TSPAN15: variants seen among roughly 807,000 people sequenced by gnomAD.
TSPAN15 encodes the protein tetraspanin-15.
Under a neutral mutation model 34.5 loss-of-function variants are expected in TSPAN15, and 20 were observed. That is an observed-to-expected ratio of 0.58 (90% CI 0.41 to 0.84). TSPAN15 has a LOEUF of 0.84. Among genes scored for constraint, TSPAN15 ranks in the 40% least tolerant of loss-of-function variants. TSPAN15 has a pLI of 0.00. For synonymous variants in TSPAN15, 155 were observed against 153.9 expected (o/e 1.01, Z -0.05); for missense variants, 313 against 386.1 (o/e 0.81, Z 1.59).
chr10:69,467,471 A>T (rs1426232341), intron 1 of TSPAN15, among the ~76,000 whole-genome samples: 2 of 152,160 alleles, frequency 1.3e-5, no homozygotes, highest in African/African-American at 4.8e-5. Flanking sequence ...TCCTTTAGCC[A>T]GGTGTGGTGG....
intron 1 of TSPAN15, among the ~76,000 whole-genome samples, chr10:69,455,469 T>G (rs61848384): frequency 0.11 from 16,851 of 150,990 alleles, 971 homozygotes; most frequent in African/African-American, 0.12. Context: ...CCACATTTAT[T>G]TAATAGTCCC....
chr10:69,520,074 T>A, the TSPAN15 span, among the ~76,000 whole-genome samples: 16 of 152,200 alleles, frequency 1.1e-4, no homozygotes, highest in Non-Finnish European at 1.5e-4. Context: ...TGCCATTAAA[T>A]ATATTCACCA....
intron 1 of TSPAN15, among the ~76,000 whole-genome samples, chr10:69,481,046 G>C (rs943865720): frequency 1.3e-5 from 2 of 152,190 alleles, no homozygotes; most frequent in Admixed American, 6.5e-5. Flanking sequence ...CGAGGACCTG[G>C]GGCACTTAGG....
chr10:69,515,591 A>G, the TSPAN15 span, among the ~76,000 whole-genome samples: 1 of 152,350 alleles, frequency 6.6e-6, no homozygotes, highest in South Asian at 2.1e-4. Flanking sequence ...CAGCAACCTC[A>G]GATCCTGACT....
chr10:69,528,772 GA>G, the TSPAN15 span, among the ~76,000 whole-genome samples: 1 of 148,424 alleles, frequency 6.7e-6, no homozygotes, highest in Non-Finnish European at 1.5e-5. Context: ...TGCTAGCAGA[GA>G]GGAGACCCTG....
In TSPAN15 at chr10:69,507,319, T is replaced by G. The variant is rs1589658028; in HGVS notation, c.*341T>G. 1 of 1,234,930 alleles carries G rather than the reference T, an allele frequency of 8.1e-7. No individual in the cohort carries two copies. The allele number at this position is 1,234,930 out of a possible 1,614,324, so 76.5% of individuals were successfully genotyped here. A position where few individuals can be genotyped will look rare whatever the true frequency, so the allele number is the denominator to read the frequency against. On this transcript the variant is annotated 3_prime_UTR_variant, in exon 8 of 8. Transcript: ENST00000373290. The stretch of plus-strand genomic sequence containing the variant: ...ATCTCTGGCAGTGCCTTGGCGGTGG[T>G]ATTCAAGGCAGTTTTGTAGCACCTG...
In TSPAN15 at chr10:69,495,250, G is replaced by A. The variant is rs910914867; in HGVS notation, c.358-344G>A. On this transcript the variant is annotated intron_variant, in intron 3 of 7. Coordinates refer to ENST00000373290, the MANE Select transcript of TSPAN15 (RefSeq NM_012339.5). ...ACTGGGCCTGGAACCAGGACAGCCA[G>A]GTCTCAGCTCAGGCATGGCGGCATC... The A allele has an allele frequency of 1.8e-5, 4 of 223,174 alleles. No homozygotes were observed. The East Asian group carries it at 4.5e-4, about 25-fold the overall frequency. 13.8% of individuals were successfully genotyped at this position (223,174 alleles called of 1,614,324 possible).
At chr10:69,465,497 C>T (rs758187174) in intron 1 of TSPAN15, among the ~76,000 whole-genome samples, 3 of 152,186 alleles carry the variant, frequency 2.0e-5, no homozygotes, top group Non-Finnish European at 4.4e-5. Context: ...CCTAGGTTGT[C>T]CTATATTGTC....
At position 69,451,507 on chromosome 10, in the gene TSPAN15, G is replaced by A; in HGVS notation, c.-88G>A. The A allele has an allele frequency of 7.8e-7, 1 of 1,276,626 alleles. No individual in the cohort carries two copies. Among genetic ancestry groups the A allele is most frequent in the Non-Finnish European group, 9.9e-7 (1 of 1,009,920 alleles). 79.1% of individuals were successfully genotyped at this position (1,276,626 alleles called of 1,614,324 possible). A position where few individuals can be genotyped will look rare whatever the true frequency, so the allele number is the denominator to read the frequency against. On this transcript the variant is annotated 5_prime_UTR_variant, in exon 1 of 8. Transcript: ENST00000373290. ...CGCCGGTGGCGGGGCTGGTAGCCCG[G>A]CAGCCGCAGGTGGGGCCACGAGCGC...
chr10:69,504,099 C>T lies in TSPAN15; in HGVS notation c.571-339C>T, dbSNP rs572473180. ...AACAGCCCCACCCCGACCTCTGAGA[C>T]GGTGTGAGCAAAGCGGTGCTCTGGG... On this transcript the variant is annotated intron_variant, in intron 5 of 7. Transcript: ENST00000373290. Among the ~76,000 whole-genome samples, 15 of 152,148 alleles carry T rather than the reference C, an allele frequency of 9.9e-5. No individual in the cohort carries two copies. In the East Asian group the frequency reaches 1.3e-3, roughly 14 times the overall value.
chr10:69,531,603 C>A, the TSPAN15 span, among the ~76,000 whole-genome samples: 2 of 151,660 alleles, frequency 1.3e-5, no homozygotes, highest in African/African-American at 4.9e-5. Context: ...TCTCAAAAAG[C>A]AAACAAACAA....
At chr10:69,505,087 A>T (rs1842296774) in intron 6 of TSPAN15, among the ~76,000 whole-genome samples, 1 of 152,216 alleles carries the variant, frequency 6.6e-6, no homozygotes, top group Non-Finnish European at 1.5e-5. Context: ...TGAGAGCCAT[A>T]GACCAGCAGT....
At chr10:69,539,563 G>A in the TSPAN15 span, among the ~76,000 whole-genome samples, 70,149 of 99,440 alleles carry the variant, frequency 0.71, 25,030 homozygotes, top group East Asian at 0.91. Context: ...GAAGGAGAAG[G>A]AGAAGAAGAC....
intron 3 of TSPAN15, among the ~76,000 whole-genome samples, chr10:69,487,713 C>A (rs1432906688): frequency 6.6e-6 from 1 of 152,250 alleles, no homozygotes; most frequent in African/African-American, 2.4e-5. Context: ...CAGAACATCA[C>A]CTCCTTCTTT....
At chr10:69,471,567 CCT>C in intron 1 of TSPAN15, among the ~76,000 whole-genome samples, 2 of 151,918 alleles carry the variant, frequency 1.3e-5, no homozygotes, top group African/African-American at 4.8e-5. Flanking sequence ...CTCACTCTCC[CCT>C]TCTCCCCACC....
the TSPAN15 span, among the ~76,000 whole-genome samples, chr10:69,522,655 T>C: frequency 2.7e-5 from 4 of 147,260 alleles, no homozygotes; most frequent in South Asian, 8.6e-4. Context: ...TTGATTCTTA[T>C]AGGAATGCAA....
Position 69,498,365 on chromosome 10 carries a change from G to A in TSPAN15, c.539G>A (p.Gly180Glu). ...AGTGCCCCTGGACCCCTGGCCTGTG[G>A]GGTGCCCTACACCTGCTGCATCAGG... ...DCSAPGPLAC[G>E]VPYTCCIRNT... The change falls in exon 5 of 8, where the codon GGG (glycine) becomes GAG (glutamate). Residue 180 changes from glycine (G) to glutamate (E), a missense_variant. By Grantham distance (98) the Gly-to-Glu change is moderately conservative. Coordinates refer to ENST00000373290, the MANE Select transcript of TSPAN15 (RefSeq NM_012339.5). 10 of 1,614,014 alleles carry A rather than the reference G, an allele frequency of 6.2e-6. No homozygotes were observed. The highest frequency in any genetic ancestry group is 8.5e-6 in the Non-Finnish European group (10 of 1,179,978).
At chr10:69,509,987 T>C (rs1190464538), downstream of TSPAN15, among the ~76,000 whole-genome samples, 1 of 152,246 alleles carries the variant, frequency 6.6e-6, no homozygotes, top group East Asian at 1.9e-4. Context: ...TGTGGCCTTA[T>C]ACTATAGTTT....
chr10:69,512,330 CT>C (rs1225515949), downstream of TSPAN15, among the ~76,000 whole-genome samples: 1 of 152,072 alleles, frequency 6.6e-6, no homozygotes, highest in Non-Finnish European at 1.5e-5. Context: ...GTGGGCTTTG[CT>C]TTTTGATTTA....
Sources: gnomAD v4.1 joint callset for allele counts (sites outside exome capture counted in the v4.1 genomes callset) on GRCh38, gnomAD v4.1.1 for gene constraint, MANE v1.5 for transcripts, NCBI Gene and HGNC (gene_info 2026-07-23, HGNC 2026-07-21) for gene names.